SCHIP1: variants seen among roughly 807,000 people sequenced by gnomAD.
SCHIP1 encodes the protein schwannomin interacting protein 1.
SCHIP1 carries 8 observed loss-of-function variants against 29.7 expected under a neutral mutation model. The ratio of observed to expected loss-of-function variants is 0.27; its 90% confidence interval spans 0.16 to 0.49. The LOEUF is 0.49. Among genes scored for constraint, SCHIP1 ranks in the 20% least tolerant of loss-of-function variants. The probability of loss-of-function intolerance (pLI) is 0.99; values close to 1 mark genes in which losing one functional copy is unlikely to be tolerated. For missense variants in SCHIP1, 193 were observed against 294.6 expected (o/e 0.66, Z 2.52); for synonymous variants, 76 against 94.9 (o/e 0.80, Z 1.16).
the SCHIP1 span, among the ~76,000 whole-genome samples, chr3:159,658,531 G>T: frequency 1.3e-5 from 2 of 152,080 alleles, no homozygotes; most frequent in Non-Finnish European, 2.9e-5. Flanking sequence ...CAATGCCCCT[G>T]CTGGATCCTT....
chr3:159,540,035 T>C, the SCHIP1 span, among the ~76,000 whole-genome samples: 1 of 152,032 alleles, frequency 6.6e-6, no homozygotes, highest in African/African-American at 2.4e-5. Context: ...GGTATAATCT[T>C]TCTTGTCCCT....
At chr3:159,688,781 G>A in the SCHIP1 span, among the ~76,000 whole-genome samples, 192 of 152,224 alleles carry the variant, frequency 1.3e-3, no homozygotes, top group African/African-American at 4.0e-3. Context: ...TGTATAAAGC[G>A]TAAGGAAAGG....
At chr3:159,785,921 G>A in the SCHIP1 span, among the ~76,000 whole-genome samples, 1 of 152,106 alleles carries the variant, frequency 6.6e-6, no homozygotes, top group African/African-American at 2.4e-5. Flanking sequence ...TTATTTTGGG[G>A]ACATGAATAT....
chr3:159,848,637 T>G (rs527709564), intron 1 of SCHIP1, among the ~76,000 whole-genome samples: 3 of 152,246 alleles, frequency 2.0e-5, no homozygotes, highest in African/African-American at 7.2e-5. Flanking sequence ...TTCTACACTT[T>G]AAGGTATATT....
At chr3:159,273,848 A>G in the SCHIP1 span, 1 of 1,613,592 alleles carries the variant, frequency 6.2e-7, no homozygotes, top group Non-Finnish European at 8.5e-7. Flanking sequence ...GCGTGTTACA[A>G]CGTGGGACTG....
the SCHIP1 span, among the ~76,000 whole-genome samples, chr3:159,828,911 A>G: frequency 6.6e-6 from 1 of 152,208 alleles, no homozygotes. Context: ...CCTTCTTGAC[A>G]TGACAACCCA....
chr3:159,632,110 T>C, the SCHIP1 span, among the ~76,000 whole-genome samples: 11 of 152,316 alleles, frequency 7.2e-5, no homozygotes, highest in East Asian at 1.9e-3. Context: ...ATCATCTAGA[T>C]TGTACTAGGG....
chr3:159,817,908 C>T, the SCHIP1 span, among the ~76,000 whole-genome samples: 1 of 152,198 alleles, frequency 6.6e-6, no homozygotes, highest in Non-Finnish European at 1.5e-5. Flanking sequence ...CCTTTTTACA[C>T]ATATCCACCT....
chr3:159,502,168 C>T, the SCHIP1 span, among the ~76,000 whole-genome samples: 1 of 152,302 alleles, frequency 6.6e-6, no homozygotes, highest in East Asian at 1.9e-4. Flanking sequence ...CAACTATAAA[C>T]CTGGTCTCAA....
At chr3:159,438,894 TG>T in the SCHIP1 span, among the ~76,000 whole-genome samples, 2 of 152,246 alleles carry the variant, frequency 1.3e-5, no homozygotes, top group African/African-American at 4.8e-5. Context: ...CTATCACTGA[TG>T]GGCATTTATG....
chr3:159,645,613 A>C, the SCHIP1 span, among the ~76,000 whole-genome samples: 1 of 152,104 alleles, frequency 6.6e-6, no homozygotes, highest in African/African-American at 2.4e-5. Flanking sequence ...AGGAGTGCGG[A>C]GAATGGATTG....
At chr3:159,878,550 G>A (rs566662092) in intron 2 of SCHIP1, among the ~76,000 whole-genome samples, 7 of 151,680 alleles carry the variant, frequency 4.6e-5, no homozygotes, top group South Asian at 2.1e-4. Flanking sequence ...AGGCCGAGGC[G>A]GGCGAATCAC....
At chr3:159,698,926 G>T in the SCHIP1 span, among the ~76,000 whole-genome samples, 1 of 152,158 alleles carries the variant, frequency 6.6e-6, no homozygotes, top group Non-Finnish European at 1.5e-5. Flanking sequence ...GATTACAGGT[G>T]TGAGCCACCG....
At chr3:159,469,871 T>C in the SCHIP1 span, among the ~76,000 whole-genome samples, 1 of 152,130 alleles carries the variant, frequency 6.6e-6, no homozygotes, top group Admixed American at 6.6e-5. Flanking sequence ...AAAAAGTCAA[T>C]TCCCCTTGTT....
chr3:159,750,056 C>A, the SCHIP1 span, among the ~76,000 whole-genome samples: 1 of 151,744 alleles, frequency 6.6e-6, no homozygotes, highest in African/African-American at 2.4e-5. Flanking sequence ...CTTTGTTATC[C>A]TTATGGGAGT....
the SCHIP1 span, among the ~76,000 whole-genome samples, chr3:159,796,880 AC>A: frequency 4.6e-5 from 7 of 152,206 alleles, no homozygotes; most frequent in Admixed American, 1.3e-4. Context: ...CTGGACAAGC[AC>A]CACAGTGTCT....
the SCHIP1 span, among the ~76,000 whole-genome samples, chr3:159,423,431 A>G: frequency 6.6e-6 from 1 of 152,228 alleles, no homozygotes; most frequent in Non-Finnish European, 1.5e-5. Flanking sequence ...AGAGGGTCCT[A>G]TGCCCACGGA....
the SCHIP1 span, among the ~76,000 whole-genome samples, chr3:159,481,694 A>T: frequency 6.6e-6 from 1 of 152,160 alleles, no homozygotes. Flanking sequence ...ACAGTAGGGC[A>T]AGCTGGTAGG....
the SCHIP1 span, among the ~76,000 whole-genome samples, chr3:159,512,466 C>A: frequency 6.6e-6 from 1 of 152,160 alleles, no homozygotes. Flanking sequence ...GAACCTATCC[C>A]ACATGAACAA....
Sources: allele counts gnomAD v4.1 joint callset (sites outside exome capture counted in the v4.1 genomes callset), GRCh38; gene constraint gnomAD v4.1.1; transcripts MANE v1.5; gene names NCBI Gene and HGNC (gene_info 2026-07-23, HGNC 2026-07-21).